The following DOCK10 variants were observed in gnomAD, a reference collection of about 807,000 sequenced individuals.
DOCK10 encodes the protein dedicator of cytokinesis protein 10.
DOCK10 carries 145 observed loss-of-function variants against 280.1 expected under a neutral mutation model. That is an observed-to-expected ratio of 0.52 (90% CI 0.45 to 0.59). The LOEUF (loss-of-function observed/expected upper bound fraction) is 0.59, where lower values mean the gene tolerates loss of function less well. DOCK10 is among the 20% of genes least tolerant of loss of function. The pLI is 0.00. For synonymous variants in DOCK10, 915 were observed against 942.2 expected, an observed-to-expected ratio of 0.97 and a Z score of 0.53; for missense variants, 2,368 against 2,651.7, an observed-to-expected ratio of 0.89 and a Z score of 2.35.
chr2:225,035,542 T>TGAGA (rs1415059109), intron 1 of DOCK10, among the ~76,000 whole-genome samples: 3 of 50,016 alleles, frequency 6.0e-5, no homozygotes, highest in South Asian at 8.4e-4. Context: ...ATGATATATA[T>TGAGA]TATATATATA....
At chr2:224,836,200 G>C (rs1472297611) in intron 25 of DOCK10, among the ~76,000 whole-genome samples, 4 of 152,084 alleles carry the variant, frequency 2.6e-5, no homozygotes, top group African/African-American at 7.2e-5. Context: ...TGAAACATTC[G>C]GGTAATGAAG....
intron 2 of DOCK10, among the ~76,000 whole-genome samples, chr2:224,928,482 A>G (rs901883254): frequency 9.2e-5 from 14 of 152,212 alleles, no homozygotes; most frequent in African/African-American, 3.4e-4. Flanking sequence ...TTTAACAACC[A>G]TAAAAACCAT....
rs777648661 is a variant in DOCK10, at chr2:224,770,281, T to G, written c.6374A>C (p.Glu2125Ala). Reference sequence around the variant, plus strand: ...GTGGGACCTCAGTTCTTCCTGGTACTCCAGCTGGTCCTCTTTGATGAGGCG... The same window carrying G: ...GTGGGACCTCAGTTCTTCCTGGTACGCCAGCTGGTCCTCTTTGATGAGGCG... ...NERLIKEDQL[E>A]YQEELRSHYK... The change falls in exon 55 of 56, where the codon GAG becomes GCG. Residue 2125 changes from glutamate to alanine, a missense_variant. Physicochemically the swap from Glu to Ala is moderately radical, Grantham distance 107. Transcript: ENST00000258390. The surrounding 1 kb of genome is among the most constrained non-coding windows in gnomAD (Gnocchi z 4.5). 4 of 1,605,928 alleles carry G rather than the reference T, an allele frequency of 2.5e-6. No homozygotes were observed. In the Admixed American group the frequency reaches 6.8e-5, roughly 27 times the overall value.
At chr2:224,992,084 CTTTTAAT>C (rs906776374) in intron 1 of DOCK10, among the ~76,000 whole-genome samples, 3 of 152,036 alleles carry the variant, frequency 2.0e-5, no homozygotes, top group African/African-American at 7.2e-5. Context: ...ACAGCAACTG[CTTTTAAT>C]TTTTAAAAGT....
chr2:224,841,650 A>G (rs2125465514), intron 23 of DOCK10, among the ~76,000 whole-genome samples, 154 bp downstream of exon 23: 1 of 152,352 alleles, frequency 6.6e-6, no homozygotes. Context: ...TTCAGAAATT[A>G]TGAAATAAAA....
At chr2:224,804,041 T>C (rs1693204133) in intron 39 of DOCK10, 71 bp downstream of exon 39, 2 of 771,576 alleles carry the variant, frequency 2.6e-6, no homozygotes, top group South Asian at 3.2e-5. Flanking sequence ...TGTCTACCCC[T>C]GACATGTGCA....
chr2:224,845,904 A>G (rs1000242420), intron 19 of DOCK10, among the ~76,000 whole-genome samples: 1 of 152,084 alleles, frequency 6.6e-6, no homozygotes, highest in African/African-American at 2.4e-5. Context: ...TTGTATTTTT[A>G]GTAGAGACGG....
chr2:224,797,985 A>C lies in DOCK10; in HGVS notation c.4507-16T>G, dbSNP rs368907801. The C allele has an allele frequency of 7.4e-6, 12 of 1,611,542 alleles. No homozygotes were observed. Among genetic ancestry groups the C allele is most frequent in the African/African-American group, 2.7e-5 (2 of 74,812 alleles). The stretch of plus-strand genomic sequence containing the variant: ...GGAGTTGTCTCTGGAAATTCAATGC[A>C]GATGTTATTCAGGATAAGTGAAAGA... On this transcript the variant is annotated splice_polypyrimidine_tract_variant and intron_variant, in intron 41 of 55. Transcript: ENST00000258390.
In DOCK10 at chr2:224,874,372, C is replaced by A. The variant is rs1485163928; in HGVS notation, c.1018-23G>T. 4 of 1,573,938 alleles carry A rather than the reference C, an allele frequency of 2.5e-6. No individual in the cohort carries two copies. The South Asian group carries it at 4.5e-5, about 18-fold the overall frequency. On this transcript the variant is annotated intron_variant, in intron 9 of 55. Coordinates refer to ENST00000258390, the MANE Select transcript of DOCK10 (RefSeq NM_014689.3). ...GTACTACAGAGAAAATTGTGTTAGTCCTTGGTATCTAAATATCCAGATACA... is the reference window on the plus strand; with the variant it reads ...GTACTACAGAGAAAATTGTGTTAGTACTTGGTATCTAAATATCCAGATACA...
chr2:224,928,980 C>G (rs1207951746), intron 2 of DOCK10, among the ~76,000 whole-genome samples: 1 of 152,212 alleles, frequency 6.6e-6, no homozygotes, highest in Non-Finnish European at 1.5e-5. Flanking sequence ...CTCTTCAGGG[C>G]CTTTGCACCA....
chr2:224,968,845 T>C (rs1704918666), intron 1 of DOCK10, among the ~76,000 whole-genome samples: 1 of 152,348 alleles, frequency 6.6e-6, no homozygotes, highest in South Asian at 2.1e-4. Context: ...TAGGGCTGAA[T>C]GTTTAAAGGC....
chr2:224,961,376 C>A (rs1704374864), intron 1 of DOCK10, among the ~76,000 whole-genome samples: 1 of 149,082 alleles, frequency 6.7e-6, no homozygotes, highest in African/African-American at 2.5e-5. Context: ...ATTTCCCATG[C>A]TTATTTTTGC....
In DOCK10 at chr2:224,845,545, T is replaced by C; in HGVS notation, c.2333A>G (p.Lys778Arg). Reference protein sequence around the residue: ...TCDINAKANAKKKEALETSVG... With the variant: ...TCDINAKANARKKEALETSVG... ...TGACGTTTCCAGAGCCTCCTTCTTT[T>C]TGGCATTAGCTTTTGCATTGATGTC... Residue 778 changes from lysine (K) to arginine (R), a missense_variant, in exon 20 of 56, where the codon AAA becomes AGA. Physicochemically the swap from Lys to Arg is conservative, Grantham distance 26 (BLOSUM62 2). This residue lies in a region of DOCK10 where 1,209 missense variants were observed against 1,250.9 expected (regional missense o/e 0.97). Coordinates refer to ENST00000258390, the MANE Select transcript of DOCK10 (RefSeq NM_014689.3). 6.2e-7 allele frequency: 1 copy of C among 1,612,754 alleles called. No individual in the cohort carries two copies. The highest frequency in any genetic ancestry group is 2.2e-5 in the East Asian group (1 of 44,868).
intron 4 of DOCK10, among the ~76,000 whole-genome samples, chr2:224,892,927 A>G (rs747422426): frequency 6.6e-6 from 1 of 152,246 alleles, no homozygotes; most frequent in East Asian, 1.9e-4. Context: ...TTTAAAGGTC[A>G]TGAAAAGATC....
intron 1 of DOCK10, among the ~76,000 whole-genome samples, chr2:225,035,557 T>TATATATATG (rs1559986226): frequency 2.3e-5 from 1 of 42,982 alleles, no homozygotes; most frequent in Non-Finnish European, 5.3e-5. Flanking sequence ...TATATATATA[T>TATATATATG]ATATATATAT....
chr2:225,030,409 T>C (rs1448000399), intron 1 of DOCK10, among the ~76,000 whole-genome samples: 5 of 152,188 alleles, frequency 3.3e-5, no homozygotes, highest in African/African-American at 1.2e-4. Context: ...CTCTCCATCA[T>C]GTGACTGGAA....
At chr2:224,818,092 G>A (rs1165719475) in intron 29 of DOCK10, among the ~76,000 whole-genome samples, 1 of 152,160 alleles carries the variant, frequency 6.6e-6, no homozygotes, top group Non-Finnish European at 1.5e-5. Flanking sequence ...GGGAGAAAAT[G>A]GCTTCAGTTG....
chr2:224,860,381 A>C (rs1316731308), intron 14 of DOCK10, among the ~76,000 whole-genome samples: 3 of 152,144 alleles, frequency 2.0e-5, no homozygotes, highest in Non-Finnish European at 4.4e-5. Context: ...AGTAATAATA[A>C]TATTAGAAAA....
At chr2:224,879,815 A>G (rs1366081493) in intron 7 of DOCK10, among the ~76,000 whole-genome samples, 1 of 152,112 alleles carries the variant, frequency 6.6e-6, no homozygotes, top group Non-Finnish European at 1.5e-5. Context: ...AGAACTGTAA[A>G]TGTCCAGAGT....
Sources: allele counts gnomAD v4.1 joint callset (sites outside exome capture counted in the v4.1 genomes callset), GRCh38; gene constraint gnomAD v4.1.1; regional missense constraint gnomAD v4.1.1; non-coding constraint Gnocchi (gnomAD v3.1); transcripts MANE v1.5; gene names NCBI Gene and HGNC (gene_info 2026-07-23, HGNC 2026-07-21).